Variants in CPNE9 observed in about 807,000 individuals in gnomAD.
CPNE9 encodes the protein copine family member 9, also known as copine-9.
A neutral mutation model predicts 83.0 loss-of-function variants in CPNE9; 59 were observed. The observed-to-expected ratio is 0.71, with a 90% CI of 0.58 to 0.88. The LOEUF (loss-of-function observed/expected upper bound fraction) is 0.88. CPNE9 is among the 40% of genes least tolerant of loss of function. The probability of loss-of-function intolerance (pLI) is 0.00; values close to 1 mark genes in which losing one functional copy is unlikely to be tolerated. For missense variants in CPNE9, 619 were observed against 720.8 expected (o/e 0.86, Z 1.62); for synonymous variants, 256 against 273.4 (o/e 0.94, Z 0.63).
Position 9,725,184 on chromosome 3 carries a change from T to C in CPNE9, c.1242-765T>C, listed in dbSNP as rs1008430615. 3.3e-5 allele frequency among the ~76,000 whole-genome samples: 5 copies of C among 152,268 alleles called. No individual in the cohort carries two copies. In the East Asian group the frequency reaches 9.6e-4, roughly 29 times the overall value. ...CCTCACTCCAGAGGGCTGGGATGGATTTATTTTTTCTCCTCATGTATCTCC... is the reference window on the plus strand; with the variant it reads ...CCTCACTCCAGAGGGCTGGGATGGACTTATTTTTTCTCCTCATGTATCTCC... On this transcript the variant is annotated intron_variant, in intron 17 of 20. Coordinates refer to ENST00000383832, the MANE Select transcript of CPNE9 (RefSeq NM_153635.3).
At chr3:9,727,447 G>C (rs2076794744) in intron 20 of CPNE9, 2 of 716,898 alleles carry the variant, frequency 2.8e-6, no homozygotes, top group South Asian at 1.5e-5. Flanking sequence ...ATCACACAAA[G>C]AAATATCTCA....
At position 9,713,081 on chromosome 3, in the gene CPNE9, T is replaced by G. The variant is rs1575122154; in HGVS notation, c.650+2T>G. The G allele has an allele frequency of 6.2e-7, 1 of 1,611,910 alleles. No individual in the cohort carries two copies. The highest frequency in any genetic ancestry group is 8.5e-7 in the Non-Finnish European group (1 of 1,178,184). On this transcript the variant is annotated splice_donor_variant, in intron 10 of 20. Coordinates refer to ENST00000383832, the MANE Select transcript of CPNE9 (RefSeq NM_153635.3). LOFTEE classifies it high-confidence loss of function. Reference sequence around the variant, plus strand: ...TCTGTGCAATGGAGACTATGACAGGTTGGCTCCAGCATAAGCTGGGGAGTA... The same window carrying G: ...TCTGTGCAATGGAGACTATGACAGGGTGGCTCCAGCATAAGCTGGGGAGTA...
At chr3:9,708,991 T>C (rs2076592413) in intron 7 of CPNE9, among the ~76,000 whole-genome samples, 1 of 149,490 alleles carries the variant, frequency 6.7e-6, no homozygotes, top group Non-Finnish European at 1.5e-5. Flanking sequence ...AAAAGATGTG[T>C]GACCAGGGGC....
intron 17 of CPNE9, among the ~76,000 whole-genome samples, chr3:9,722,167 C>CCG (rs1014271454): frequency 9.9e-5 from 15 of 151,566 alleles, no homozygotes; most frequent in African/African-American, 3.6e-4. Context: ...TCCACCCCCC[C>CCG]CCGCCACCCG....
At chr3:9,716,172 T>A in intron 14 of CPNE9, 137 bp downstream of exon 14, 1 of 712,862 alleles carries the variant, frequency 1.4e-6, no homozygotes, top group Non-Finnish European at 2.4e-6. Flanking sequence ...TGGCCAACTA[T>A]AAAGTGCTCT....
chr3:9,725,686 A>ATGTATGTGTATATATG (rs2076776524), intron 17 of CPNE9, among the ~76,000 whole-genome samples: 2 of 132,920 alleles, frequency 1.5e-5, no homozygotes, highest in Non-Finnish European at 3.3e-5. Context: ...GTATATATAT[A>ATGTATGTGTATATATG]TACATATATG....
intron 7 of CPNE9, among the ~76,000 whole-genome samples, chr3:9,711,484 T>C (rs998801609): frequency 6.6e-6 from 1 of 152,166 alleles, no homozygotes; most frequent in African/African-American, 2.4e-5. Flanking sequence ...CCCAAAGTGC[T>C]GGGATTATAG....
intron 14 of CPNE9, 80 bp downstream of exon 14, chr3:9,716,115 G>A (rs2076681949): frequency 1.6e-6 from 2 of 1,250,478 alleles, no homozygotes. Flanking sequence ...TCTTATTTAT[G>A]AATGGTCAGG....
In CPNE9 at chr3:9,718,683, C is replaced by CT. The variant is rs2076707906; in HGVS notation, c.1241+82dup. Reference sequence around the variant, plus strand: ...CCCCCCAAGGATAGTCAGGAGCACTCTAAGTAATTTAGGATGATTTGAAGT... The same window carrying CT: ...CCCCCCAAGGATAGTCAGGAGCACTCTTAAGTAATTTAGGATGATTTGAAGT... On this transcript the variant is annotated intron_variant, in intron 17 of 20. Transcript: ENST00000383832. 3.3e-6 allele frequency: 5 copies of CT among 1,519,760 alleles called. No homozygotes were observed. The East Asian group carries it at 6.9e-5, about 21-fold the overall frequency. The allele number at this position is 1,519,760 out of a possible 1,614,324, so 94.1% of individuals were successfully genotyped here.
intron 7 of CPNE9, among the ~76,000 whole-genome samples, chr3:9,712,100 C>G (rs569242400): frequency 6.6e-6 from 1 of 152,164 alleles, no homozygotes; most frequent in African/African-American, 2.4e-5. Context: ...CCAGAGTCAG[C>G]TTTGAAGACT....
intron 16 of CPNE9, 30 bp downstream of exon 16, chr3:9,718,240 T>A: frequency 6.4e-7 from 1 of 1,568,924 alleles, no homozygotes; most frequent in African/African-American, 1.4e-5. Context: ...TTACCCTCCG[T>A]GCCCTGGCAT....
intron 17 of CPNE9, among the ~76,000 whole-genome samples, chr3:9,719,354 A>G (rs1217920320): frequency 5.3e-5 from 8 of 152,086 alleles, no homozygotes; most frequent in Non-Finnish European, 1.2e-4. Context: ...CCCTAACCCC[A>G]CTGCCTGAGA....
intron 7 of CPNE9, among the ~76,000 whole-genome samples, chr3:9,707,657 C>A (rs2076577749): frequency 6.6e-6 from 1 of 150,446 alleles, no homozygotes. Flanking sequence ...TGGTGGTGTG[C>A]ACTTGTAGTC....
At position 9,714,902 on chromosome 3, in the gene CPNE9, C is replaced by T. The variant is rs748944448; in HGVS notation, c.651-12C>T. ...ATACACACCTAGGGTATGTTTATCT[C>T]CTACATTTCAGAACGGTGAAGATTG... On this transcript the variant is annotated splice_polypyrimidine_tract_variant and intron_variant, in intron 10 of 20. Transcript: ENST00000383832. 4 of 1,612,578 alleles carry T rather than the reference C, an allele frequency of 2.5e-6. No individual in the cohort carries two copies. The highest frequency in any genetic ancestry group is 3.4e-6 in the Non-Finnish European group (4 of 1,178,978).
intron 10 of CPNE9, among the ~76,000 whole-genome samples, 184 bp downstream of exon 10, chr3:9,713,263 A>G (rs2076647875): frequency 6.6e-6 from 1 of 152,246 alleles, no homozygotes; most frequent in African/African-American, 2.4e-5. Flanking sequence ...GGATAGGTGG[A>G]CTATCCAGGG....
intron 16 of CPNE9, 66 bp downstream of exon 16, chr3:9,718,276 G>A (rs1020927372): frequency 6.7e-7 from 1 of 1,500,556 alleles, no homozygotes; most frequent in African/African-American, 1.4e-5. Context: ...TGATGATTTT[G>A]TTCTGTTTAC....
In CPNE9 at chr3:9,729,681, G is replaced by C. The variant is rs369356780; in HGVS notation, c.1651G>C (p.Glu551Gln). ...PANPSPIPAP[E>Q]QP ...CAACCCCAGCCCGATCCCAGCTCCA[G>C]AGCAGCCCTGAGGATTCCACATATC... Residue 551 changes from glutamate to glutamine, a missense_variant, in exon 21 of 21, where the codon GAG becomes CAG. Coordinates refer to ENST00000383832, the MANE Select transcript of CPNE9 (RefSeq NM_153635.3). 66 of 1,612,918 alleles carry C rather than the reference G, an allele frequency of 4.1e-5. No individual in the cohort carries two copies. The African/African-American group carries it at 8.1e-4, about 20-fold the overall frequency.
At chr3:9,715,233 A>C in intron 11 of CPNE9, 56 bp from the exon 12 acceptor site, 1 of 1,561,932 alleles carries the variant, frequency 6.4e-7, no homozygotes, top group Non-Finnish European at 8.8e-7. Flanking sequence ...GACTGGGTTC[A>C]GCTCTGGTTC....
At chr3:9,727,058 A>G in intron 19 of CPNE9, 55 bp from the exon 20 acceptor site, 2 of 1,589,310 alleles carry the variant, frequency 1.3e-6, no homozygotes, top group East Asian at 2.2e-5. Flanking sequence ...GGGAGGGGGC[A>G]GCATGGGGTG....
Sources: allele counts gnomAD v4.1 joint callset (sites outside exome capture counted in the v4.1 genomes callset), GRCh38; gene constraint gnomAD v4.1.1; transcripts MANE v1.5; gene names NCBI Gene and HGNC (gene_info 2026-07-23, HGNC 2026-07-21).